CCDC15: variants seen among roughly 807,000 people sequenced by gnomAD.
CCDC15 encodes coiled-coil domain-containing protein 15.
In CCDC15, 105 loss-of-function variants were observed where a neutral mutation model predicts 114.5. The observed-to-expected ratio is 0.92, with a 90% confidence interval of 0.78 to 1.08. The LOEUF (loss-of-function observed/expected upper bound fraction) is 1.08, where lower values mean the gene tolerates loss of function less well. CCDC15 is among the 50% of genes least tolerant of loss of function. The pLI, the probability that CCDC15 is intolerant of heterozygous loss-of-function variation, is 0.00. For synonymous variants in CCDC15, 334 were observed against 377.8 expected (o/e 0.88, Z 1.34); for missense variants, 1,105 against 1,093.6 (o/e 1.01, Z -0.15).
At chr11:125,006,531 T>C (rs1215275169) in intron 13 of CCDC15, among the ~76,000 whole-genome samples, 1 of 152,246 alleles carries the variant, frequency 6.6e-6, no homozygotes, top group Non-Finnish European at 1.5e-5. Context: ...GAAGTCTGCC[T>C]AATCAGTTCT....
chr11:125,015,484 TAATAA>T (rs1241252922), intron 13 of CCDC15, among the ~76,000 whole-genome samples: 2 of 152,270 alleles, frequency 1.3e-5, no homozygotes, highest in South Asian at 2.1e-4. Context: ...TTGACAATTT[TAATAA>T]AATAAACTCC....
At chr11:125,004,398 C>T (rs1011689627) in intron 12 of CCDC15, among the ~76,000 whole-genome samples, 64 of 151,828 alleles carry the variant, frequency 4.2e-4, no homozygotes, top group African/African-American at 1.2e-3. Context: ...TATCTGAAAA[C>T]GGAGGTTTAG....
chr11:124,959,766 C>T, intron 3 of CCDC15, 49 bp from the exon 4 acceptor site: 1 of 1,231,562 alleles, frequency 8.1e-7, no homozygotes, highest in Non-Finnish European at 1.1e-6. Flanking sequence ...TATTTGATTG[C>T]TCTGGATTGG....
rs549671184 is a variant in CCDC15, at chr11:125,000,447, C to G, written c.2215-3420C>G. On this transcript the variant is annotated intron_variant, in intron 11 of 15. Transcript: ENST00000344762. The stretch of plus-strand genomic sequence containing the variant: ...GGTCCACTTTCTAGCTCACTTCTCT[C>G]TAGGTTACCCCCTATGCTCTCCATA... 4.6e-5 allele frequency among the ~76,000 whole-genome samples: 7 copies of G among 152,226 alleles called. No homozygotes were observed. In the South Asian group the frequency reaches 1.0e-3, roughly 23 times the overall value.
chr11:125,022,154 A>G (rs1047746318), intron 13 of CCDC15, among the ~76,000 whole-genome samples: 1 of 151,870 alleles, frequency 6.6e-6, no homozygotes, highest in Non-Finnish European at 1.5e-5. Flanking sequence ...TGATCTTTTA[A>G]GAGAGCAAGA....
chr11:125,041,199 C>T lies in CCDC15; in HGVS notation c.*488C>T, dbSNP rs1262844601. On this transcript the variant is annotated 3_prime_UTR_variant, in exon 16 of 16. Transcript: ENST00000344762. Reference sequence around the variant, plus strand: ...ATTAGAAGAATTTAGATTTGTTGCACATTTTTTTCCTCAGCATTTTTTCCT... The same window carrying T: ...ATTAGAAGAATTTAGATTTGTTGCATATTTTTTTCCTCAGCATTTTTTCCT... 1.3e-5 allele frequency: 2 copies of T among 152,344 alleles called. No individual in the cohort carries two copies. Among genetic ancestry groups the T allele is most frequent in the East Asian group, 3.9e-4 (2 of 5,192 alleles). 9.4% of individuals were successfully genotyped at this position (152,344 alleles called of 1,614,324 possible).
intron 4 of CCDC15, among the ~76,000 whole-genome samples, chr11:124,964,625 C>A (rs574574121): frequency 6.6e-6 from 1 of 152,076 alleles, no homozygotes; most frequent in East Asian, 1.9e-4. Flanking sequence ...AATTGAATAC[C>A]CTTTATGTCT....
At chr11:125,031,623 A>G (rs1048713224) in intron 13 of CCDC15, among the ~76,000 whole-genome samples, 1 of 152,218 alleles carries the variant, frequency 6.6e-6, no homozygotes, top group Non-Finnish European at 1.5e-5. Flanking sequence ...AGTTATCTGC[A>G]GAAGATGGCA....
At chr11:125,022,053 A>AT (rs1399936734) in intron 13 of CCDC15, among the ~76,000 whole-genome samples, 1 of 151,978 alleles carries the variant, frequency 6.6e-6, no homozygotes, top group Non-Finnish European at 1.5e-5. Flanking sequence ...ATATACGCAG[A>AT]TCCCTAGCCA....
rs202204192 is a variant in CCDC15 at position 125,000,520 on chromosome 11, C to CA, written c.2215-3345dup. 5.3e-3 allele frequency among the ~76,000 whole-genome samples: 805 copies of CA among 152,242 alleles called. 6 individuals are homozygous for CA. Among genetic ancestry groups the CA allele is most frequent in the African/African-American group, 0.018 (750 of 41,544 alleles). ...ATTTCTCAGAAGTCTTAGTTACAAT[C>CA]AATGAGAGCAAGAGAGAGAGCCCAT... is the stretch of plus-strand genomic sequence containing the variant. On this transcript the variant is annotated intron_variant, in intron 11 of 15. Transcript: ENST00000344762.
chr11:125,035,717 T>C (rs1222161078), intron 13 of CCDC15, among the ~76,000 whole-genome samples: 1 of 152,194 alleles, frequency 6.6e-6, no homozygotes, highest in Non-Finnish European at 1.5e-5. Context: ...TTTATTGCTT[T>C]TTATATTTTG....
At chr11:124,991,134 A>G (rs143962990) in intron 8 of CCDC15, among the ~76,000 whole-genome samples, 1 of 152,370 alleles carries the variant, frequency 6.6e-6, no homozygotes, top group Non-Finnish European at 1.5e-5. Context: ...TTTGATAGGT[A>G]GGAGAGGGAG....
chr11:125,007,002 G>A (rs2135520140), intron 13 of CCDC15, among the ~76,000 whole-genome samples: 1 of 152,236 alleles, frequency 6.6e-6, no homozygotes, highest in Non-Finnish European at 1.5e-5. Flanking sequence ...TTGATAACAT[G>A]CAATGTATAT....
At chr11:124,980,966 T>C (rs1948064131) in intron 6 of CCDC15, among the ~76,000 whole-genome samples, 1 of 152,216 alleles carries the variant, frequency 6.6e-6, no homozygotes, top group African/African-American at 2.4e-5. Context: ...TTGTATCTTT[T>C]TTCTCATTAG....
Position 124,986,700 on chromosome 11 carries a change from T to TGTGTGTGTGTGC in CCDC15, c.754-41_754-40insTGTGTGTGTGCG, listed in dbSNP as rs878887902. ...GTGTGTGTGTGTGTGTTTGTGTGTG[T>TGTGTGTGTGTGC]GCGCGCGCGCGCGTGCGCGTTTTCA... On this transcript the variant is annotated intron_variant, in intron 6 of 15. Transcript: ENST00000344762. The TGTGTGTGTGTGC allele has an allele frequency of 3.2e-3, 4,358 of 1,349,112 alleles. 76 individuals are homozygous for TGTGTGTGTGTGC. Among genetic ancestry groups the TGTGTGTGTGTGC allele is most frequent in the African/African-American group, 9.9e-3 (608 of 61,474 alleles). The allele number at this position is 1,349,112 out of a possible 1,614,324, so 83.6% of individuals were successfully genotyped here. A position where few individuals can be genotyped will look rare whatever the true frequency, so the allele number is the denominator to read the frequency against.
At chr11:124,987,030 TC>T in intron 7 of CCDC15, 96 bp from the exon 8 acceptor site, 1 of 1,359,970 alleles carries the variant, frequency 7.4e-7, no homozygotes, top group Non-Finnish European at 9.7e-7. Flanking sequence ...GTAATTTGCT[TC>T]ACTGCCATAT....
intron 13 of CCDC15, among the ~76,000 whole-genome samples, chr11:125,011,300 C>T (rs1405777152): frequency 5.3e-5 from 8 of 150,526 alleles, no homozygotes; most frequent in East Asian, 3.9e-4. Context: ...TGCAATGGCA[C>T]GATCTCGACT....
chr11:124,960,056 A>G, intron 4 of CCDC15, 53 bp downstream of exon 4: 2 of 1,371,266 alleles, frequency 1.5e-6, no homozygotes, highest in South Asian at 3.0e-5. Flanking sequence ...CTATCCCCTA[A>G]ACTATAAATA....
rs746528139 is a variant in CCDC15 at position 124,987,147 on chromosome 11, A to T, written c.921A>T (p.Pro307=). 5.3e-6 allele frequency: 8 copies of T among 1,510,286 alleles called. No individual in the cohort carries two copies. Among genetic ancestry groups the T allele is most frequent in the South Asian group, 2.8e-5 (2 of 71,480 alleles). The allele number at this position is 1,510,286 out of a possible 1,614,324, so 93.6% of individuals were successfully genotyped here. The change falls in exon 8 of 16, where the codon CCA becomes CCT. Residue 307 remains proline (P), a synonymous_variant. Coordinates refer to ENST00000344762, the MANE Select transcript of CCDC15 (RefSeq NM_025004.3). ...SRVQKVKFKN[P]LFVLMEEEEQ... ...TTTAGAAAGTAAAATTCAAAAATCC[A>T]TTATTTGTTCTGATGGAAGAGGAAG... is the stretch of plus-strand genomic sequence containing the variant.
Sources: allele counts gnomAD v4.1 joint callset (sites outside exome capture counted in the v4.1 genomes callset), GRCh38; gene constraint gnomAD v4.1.1; transcripts MANE v1.5; gene names NCBI Gene and HGNC (gene_info 2026-07-23, HGNC 2026-07-21).